Variants in SLC33A2 observed in about 807,000 individuals in gnomAD.
The protein encoded by SLC33A2 is major facilitator superfamily domain containing 3.
the SLC33A2 span, chr8:144,509,500 G>A: frequency 5.9e-6 from 9 of 1,532,518 alleles, no homozygotes; most frequent in African/African-American, 1.3e-4. Flanking sequence ...AAGCTGGCTT[G>A]GGCCCCGCTG....
the SLC33A2 span, chr8:144,509,731 G>T: frequency 6.4e-6 from 10 of 1,568,996 alleles, no homozygotes; most frequent in Non-Finnish European, 8.6e-6. Flanking sequence ...GCCGAACTGG[G>T]GCCGGGCAAT....
the SLC33A2 span, chr8:144,510,979 C>T: frequency 3.1e-6 from 5 of 1,599,762 alleles, no homozygotes; most frequent in African/African-American, 5.3e-5. Context: ...CCGTGACCCC[C>T]ACCCCCCTCA....
chr8:144,511,022 AGCTGCTGGGGAAGCT>A, the SLC33A2 span: 2 of 1,603,078 alleles, frequency 1.2e-6, no homozygotes, highest in Non-Finnish European at 1.7e-6. Flanking sequence ...GCCACGCTGG[AGCTGCTGGGGAAGCT>A]GCTGCTGGGC....
chr8:144,510,459 G>C, the SLC33A2 span: 7 of 1,612,716 alleles, frequency 4.3e-6, no homozygotes, highest in Non-Finnish European at 5.9e-6. Flanking sequence ...GCTGTGGTCT[G>C]CTCCATCGCT....
chr8:144,509,677 A>C, the SLC33A2 span: 1 of 1,558,020 alleles, frequency 6.4e-7, no homozygotes, highest in Non-Finnish European at 8.6e-7. Context: ...GCCGCCATGC[A>C]GGATGTGGCC....
At chr8:144,509,986 C>T in the SLC33A2 span, 8 of 1,596,104 alleles carry the variant, frequency 5.0e-6, no homozygotes, top group East Asian at 1.3e-4. Flanking sequence ...ACCGTGTGGA[C>T]GGCAGGCTTT....
the SLC33A2 span, chr8:144,510,328 C>A: frequency 6.2e-7 from 1 of 1,608,888 alleles, no homozygotes; most frequent in Non-Finnish European, 8.5e-7. Context: ...GATATGGAAC[C>A]TCCCGTGCTC....
the SLC33A2 span, chr8:144,510,584 C>A: frequency 6.3e-7 from 1 of 1,590,560 alleles, no homozygotes; most frequent in Non-Finnish European, 8.6e-7. Flanking sequence ...ACCCATTTCC[C>A]ACCCCCATCC....
the SLC33A2 span, chr8:144,510,951 G>C: frequency 2.5e-6 from 4 of 1,599,682 alleles, no homozygotes; most frequent in Non-Finnish European, 3.4e-6. Flanking sequence ...GGCTGGGGCT[G>C]TGTGGGCCTG....
At chr8:144,510,174 T>C in the SLC33A2 span, 1 of 1,267,008 alleles carries the variant, frequency 7.9e-7, no homozygotes, top group Non-Finnish European at 1.1e-6. Flanking sequence ...CTGGGCCTTG[T>C]GTCTTGTCCG....
the SLC33A2 span, chr8:144,509,673 A>C: frequency 2.6e-6 from 4 of 1,556,292 alleles, no homozygotes; most frequent in Non-Finnish European, 3.5e-6. Context: ...GGGTGCCGCC[A>C]TGCAGGATGT....
chr8:144,511,129 C>A, the SLC33A2 span: 1 of 1,610,754 alleles, frequency 6.2e-7, no homozygotes, highest in Non-Finnish European at 8.5e-7. Context: ...CTTTCCCGTT[C>A]TGTACCTGGA....
chr8:144,509,082 G>C, the SLC33A2 span: 6 of 428,894 alleles, frequency 1.4e-5, no homozygotes, highest in South Asian at 3.4e-4. Context: ...AGAGCATGCC[G>C]GGAGCCGCCG....
the SLC33A2 span, chr8:144,509,946 C>T: frequency 6.3e-7 from 1 of 1,593,244 alleles, no homozygotes; most frequent in Non-Finnish European, 8.5e-7. Context: ...CACCGCGCAC[C>T]TTCTGCGGGA....
At chr8:144,509,972 G>C in the SLC33A2 span, 1 of 1,596,054 alleles carries the variant, frequency 6.3e-7, no homozygotes, top group South Asian at 1.1e-5. Context: ...TAGCCGTGCC[G>C]GGGACCGTGT....
chr8:144,509,763 A>AAGCTGGGGGCCGCGCT, the SLC33A2 span: 15 of 1,562,016 alleles, frequency 9.6e-6, no homozygotes, highest in South Asian at 1.2e-5. Context: ...GGTCGCGTAC[A>AAGCTGGGGGCCGCGCT]AGCTGGGGGC....
At chr8:144,509,806 T>G in the SLC33A2 span, 1 of 1,543,554 alleles carries the variant, frequency 6.5e-7, no homozygotes, top group African/African-American at 1.4e-5. Context: ...CTGGCGCTGC[T>G]GCCCACCTTC....
chr8:144,509,672 C>T, the SLC33A2 span: 2 of 1,556,298 alleles, frequency 1.3e-6, no homozygotes, highest in Non-Finnish European at 8.7e-7. Flanking sequence ...TGGGTGCCGC[C>T]ATGCAGGATG....
At chr8:144,511,043 TG>T in the SLC33A2 span, 1 of 1,605,286 alleles carries the variant, frequency 6.2e-7, no homozygotes. Flanking sequence ...AAGCTGCTGC[TG>T]GGCACTCTGG....
Sources: gnomAD v4.1 joint callset for allele counts on GRCh38, gnomAD v4.1.1 for gene constraint, MANE v1.5 for transcripts, NCBI Gene and HGNC (gene_info 2026-07-23, HGNC 2026-07-21) for gene names.